DENND1A: variants seen among roughly 807,000 people sequenced by gnomAD.
DENND1A encodes the protein DENN domain containing 1A.
DENND1A carries 51 observed loss-of-function variants against 113.7 expected under a neutral mutation model. That is an observed-to-expected ratio of 0.45 (90% CI 0.36 to 0.57). DENND1A has a LOEUF of 0.57. Ranked by LOEUF, DENND1A falls within the 20% of genes least tolerant of loss-of-function variation. The pLI, the probability that DENND1A is intolerant of heterozygous loss-of-function variation, is 0.00. For synonymous variants in DENND1A, 565 were observed against 570.8 expected (o/e 0.99, Z 0.14); for missense variants, 1,258 against 1,395.9 (o/e 0.90, Z 1.57).
At chr9:123,462,728 C>T (rs1014290746) in intron 13 of DENND1A, among the ~76,000 whole-genome samples, 6 of 152,072 alleles carry the variant, frequency 3.9e-5, no homozygotes, top group South Asian at 4.2e-4. Context: ...ACCCGGGAGG[C>T]GGAGGTTGCA....
intron 21 of DENND1A, among the ~76,000 whole-genome samples, chr9:123,394,625 T>C (rs76587897): frequency 0.018 from 2,678 of 152,348 alleles, 32 homozygotes; most frequent in Middle Eastern, 0.058. Context: ...ACAAAAATCA[T>C]GAATGCCAAT....
chr9:123,617,961 T>C (rs1303350437), intron 10 of DENND1A, among the ~76,000 whole-genome samples: 1 of 151,964 alleles, frequency 6.6e-6, no homozygotes, highest in Non-Finnish European at 1.5e-5. Flanking sequence ...CAACTGATAA[T>C]AAAAGGAGAT....
At chr9:123,743,405 G>GATAAATAAATAA (rs113375616) in intron 5 of DENND1A, among the ~76,000 whole-genome samples, 14 of 147,990 alleles carry the variant, frequency 9.5e-5, no homozygotes, top group African/African-American at 3.5e-4. Flanking sequence ...AGTCCCAAAA[G>GATAAATAAATAA]ATAAATAAAT....
At chr9:123,626,182 C>A (rs1011435043) in intron 10 of DENND1A, among the ~76,000 whole-genome samples, 1 of 152,092 alleles carries the variant, frequency 6.6e-6, no homozygotes, top group Non-Finnish European at 1.5e-5. Context: ...CATAAGCTAC[C>A]GCATTTGACC....
At chr9:123,830,873 G>GAAAAAAAAAAAAAA (rs71390447) in intron 2 of DENND1A, among the ~76,000 whole-genome samples, 2 of 39,310 alleles carry the variant, frequency 5.1e-5, no homozygotes, top group Non-Finnish European at 9.1e-5. Flanking sequence ...TCTCAAAAAT[G>GAAAAAAAAAAAAAA]AAAAAAAAAA....
chr9:123,706,170 G>C (rs1478928324), intron 5 of DENND1A, among the ~76,000 whole-genome samples: 2 of 147,738 alleles, frequency 1.4e-5, no homozygotes, highest in African/African-American at 5.1e-5. Context: ...TTGAGACGGA[G>C]TCTTGCTCTG....
At chr9:123,747,030 T>C (rs7862563) in intron 5 of DENND1A, among the ~76,000 whole-genome samples, 12,531 of 152,072 alleles carry the variant, frequency 0.082, 595 homozygotes, top group Middle Eastern at 0.12. Context: ...GGGGTTGTTT[T>C]TGTTTGCAGT....
chr9:123,601,611 A>G (rs933978490), intron 11 of DENND1A, among the ~76,000 whole-genome samples: 1 of 152,228 alleles, frequency 6.6e-6, no homozygotes, highest in Non-Finnish European at 1.5e-5. Flanking sequence ...TACAAAATAA[A>G]GCAATCTCCA....
At chr9:123,548,352 T>C (rs1380931443) in intron 13 of DENND1A, among the ~76,000 whole-genome samples, 1 of 152,258 alleles carries the variant, frequency 6.6e-6, no homozygotes, top group Admixed American at 6.5e-5. Flanking sequence ...AGGTTTTGGC[T>C]ATAATTCCTT....
intron 13 of DENND1A, among the ~76,000 whole-genome samples, chr9:123,511,098 C>T (rs576734723): frequency 6.6e-6 from 1 of 152,306 alleles, no homozygotes; most frequent in African/African-American, 2.4e-5. Flanking sequence ...CCCAAACCTC[C>T]ATGCATCCCT....
chr9:123,859,105 T>C (rs967520876), intron 2 of DENND1A, among the ~76,000 whole-genome samples: 2 of 152,184 alleles, frequency 1.3e-5, no homozygotes, highest in Non-Finnish European at 2.9e-5. Context: ...CCACCTACCA[T>C]ACAGTATGTG....
chr9:123,582,119 A>T (rs1191851374), intron 12 of DENND1A, among the ~76,000 whole-genome samples: 1 of 152,232 alleles, frequency 6.6e-6, no homozygotes, highest in Non-Finnish European at 1.5e-5. Context: ...CACTGACAGC[A>T]CTGCCACCCG....
chr9:123,886,495 A>G (rs1465137149), intron 1 of DENND1A, among the ~76,000 whole-genome samples: 1 of 152,236 alleles, frequency 6.6e-6, no homozygotes, highest in Non-Finnish European at 1.5e-5. Flanking sequence ...TACATGCTGA[A>G]GGGGCTGAGG....
At chr9:123,908,780 G>C (rs535028900) in intron 1 of DENND1A, among the ~76,000 whole-genome samples, 1 of 152,272 alleles carries the variant, frequency 6.6e-6, no homozygotes, top group East Asian at 1.9e-4. Flanking sequence ...CATTGTGGAA[G>C]TCAGTGTGGA....
At chr9:123,783,912 T>C (rs1831712124) in intron 3 of DENND1A, among the ~76,000 whole-genome samples, 1 of 152,178 alleles carries the variant, frequency 6.6e-6, no homozygotes, top group African/African-American at 2.4e-5. Flanking sequence ...CAAGACGACA[T>C]AGGCGTGGAT....
intron 3 of DENND1A, among the ~76,000 whole-genome samples, chr9:123,789,241 A>G (rs558111017): frequency 6.6e-6 from 1 of 152,172 alleles, no homozygotes; most frequent in South Asian, 2.1e-4. Flanking sequence ...GGTGTCACAG[A>G]CAACTTAAGG....
chr9:123,557,869 G>A (rs971296714), intron 12 of DENND1A, among the ~76,000 whole-genome samples, 174 bp from the exon 13 acceptor site: 44 of 152,142 alleles, frequency 2.9e-4, no homozygotes, highest in African/African-American at 1.0e-3. Context: ...GCACACACCT[G>A]TAGTCCCAGC....
Position 123,923,868 on chromosome 9 carries a change from A to AT in DENND1A, c.17+6020dup, listed in dbSNP as rs575761012. On this transcript the variant is annotated intron_variant, in intron 1 of 23. Coordinates refer to ENST00000394215, the MANE Select transcript of DENND1A (RefSeq NM_001352964.2). ...AGTGGTACAGCTGCTTTAGGAAACA[A>AT]TTTTAACAGTTTCTCAAAATGTTAC... Among the ~76,000 whole-genome samples the AT allele has an allele frequency of 8.2e-4, 125 of 152,340 alleles. 2 individuals are homozygous for AT. The South Asian group carries it at 0.011, about 13-fold the overall frequency.
intron 19 of DENND1A, among the ~76,000 whole-genome samples, chr9:123,419,472 G>C (rs2045046922): frequency 6.6e-6 from 1 of 152,258 alleles, no homozygotes. Context: ...GGGGAAGAGA[G>C]CAAATTCACA....
Sources: allele counts gnomAD v4.1 joint callset (sites outside exome capture counted in the v4.1 genomes callset), GRCh38; gene constraint gnomAD v4.1.1; transcripts MANE v1.5; gene names NCBI Gene and HGNC (gene_info 2026-07-23, HGNC 2026-07-21).